Variants in CDHR1 observed in about 807,000 individuals in gnomAD.
CDHR1 encodes cadherin related family member 1.
Under a neutral mutation model 72.1 loss-of-function variants are expected in CDHR1, and 61 were observed. That is an observed-to-expected ratio of 0.85 (90% CI 0.69 to 1.05). The LOEUF is 1.05. CDHR1 is among the 50% of genes least tolerant of loss of function. CDHR1 has a pLI of 0.00. For synonymous variants in CDHR1, 470 were observed against 448.1 expected (o/e 1.05, Z -0.62); for missense variants, 1,186 against 1,115.7 (o/e 1.06, Z -0.90).
intron 13 of CDHR1, 95 bp downstream of exon 13, chr10:84,211,260 C>T (rs768968339): frequency 2.0e-5 from 26 of 1,322,894 alleles, no homozygotes; most frequent in Non-Finnish European, 2.5e-5. Flanking sequence ...TGGCAGAACC[C>T]ACACTCATTA....
At chr10:84,198,644 C>T (rs1277590054) in intron 4 of CDHR1, among the ~76,000 whole-genome samples, 1 of 152,244 alleles carries the variant, frequency 6.6e-6, no homozygotes, top group African/African-American at 2.4e-5. Context: ...TCAACCCCAT[C>T]GGATGCATTT....
rs544244764 is a variant in CDHR1 at position 84,197,094 on chromosome 10, C to T, written c.297+444C>T. 1.6e-4 allele frequency among the ~76,000 whole-genome samples: 25 copies of T among 152,262 alleles called. No homozygotes were observed. In the Middle Eastern group the frequency reaches 0.014, roughly 83 times the overall value. The stretch of plus-strand genomic sequence containing the variant: ...TCCACTCTACACACTTGAGAACTTG[C>T]AGGCAACAGGGCATGGGCTTTTTCA... On this transcript the variant is annotated intron_variant, in intron 3 of 16. Transcript: ENST00000623527.
In CDHR1 at chr10:84,203,122, C is replaced by T. The variant is rs142722981; in HGVS notation, c.782C>T (p.Pro261Leu). 40 of 1,614,072 alleles carry T rather than the reference C, an allele frequency of 2.5e-5. No individual in the cohort carries two copies. Among genetic ancestry groups the T allele is most frequent in the Admixed American group, 8.3e-5 (5 of 60,014 alleles). ...YYGYVYEDTL[P>L]GSEVLKVVAM... The stretch of plus-strand genomic sequence containing the variant: ...GGCTATGTGTACGAGGACACCCTTC[C>T]GGTGGGTGGCTGTCCCCCTCAGCCA... Residue 261 changes from proline to leucine, a missense_variant and splice_region_variant, in exon 8 of 17, where the codon CCG becomes CTG. By Grantham distance (98) the Pro-to-Leu change is moderately conservative. Transcript: ENST00000623527.
At chr10:84,213,039 A>G in intron 15 of CDHR1, 52 bp from the exon 16 acceptor site, 2 of 1,613,254 alleles carry the variant, frequency 1.2e-6, no homozygotes, top group South Asian at 2.2e-5. Flanking sequence ...TAGCCAGAGT[A>G]CACAAGGATT....
At chr10:84,212,452 G>T (rs748161727) in intron 15 of CDHR1, 45 bp downstream of exon 15, 1 of 1,502,276 alleles carries the variant, frequency 6.7e-7, no homozygotes, top group East Asian at 2.3e-5. Context: ...CCTGGGTCCA[G>T]CAGCTCCAAG....
At chr10:84,206,561 C>T (rs1842230052) in intron 10 of CDHR1, among the ~76,000 whole-genome samples, 1 of 152,174 alleles carries the variant, frequency 6.6e-6, no homozygotes, top group Admixed American at 6.5e-5. Context: ...TGGTCCTACC[C>T]AAGAGCAGTA....
intron 12 of CDHR1, among the ~76,000 whole-genome samples, chr10:84,209,172 C>T (rs978650568): frequency 6.6e-6 from 1 of 152,134 alleles, no homozygotes; most frequent in African/African-American, 2.4e-5. Flanking sequence ...ATTTTATTAT[C>T]AAGATAGATG....
chr10:84,217,616 T>C lies in CDHR1; in HGVS notation c.*2995T>C, dbSNP rs529649060. On this transcript the variant is annotated 3_prime_UTR_variant, in exon 17 of 17. Transcript: ENST00000623527. ...GCCTAGCACCGGCTTTGTATCTACT[T>C]ACACAAGCTCAGTAGACACTTGCCG... is the stretch of plus-strand genomic sequence containing the variant. 8.0e-5 allele frequency: 79 copies of C among 985,424 alleles called. No individual in the cohort carries two copies. The African/African-American group carries it at 1.3e-3, about 17-fold the overall frequency. The allele number at this position is 985,424 out of a possible 1,614,324, so 61.0% of individuals were successfully genotyped here.
At position 84,196,620 on chromosome 10, in the gene CDHR1, C is replaced by T. The variant is rs1329850221; in HGVS notation, c.267C>T (p.Asn89=). Reference sequence around the variant, plus strand: ...TTTCTGTTGACCCCACTTTTGGAAACATCACCCTGGTTGAAGAGCTGGACA... The same window carrying T: ...TTTCTGTTGACCCCACTTTTGGAAATATCACCCTGGTTGAAGAGCTGGACA... ...SVFSVDPTFG[N]ITLVEELDRE... The change falls in exon 3 of 17, where the codon AAC becomes AAT. Residue 89 remains asparagine, a synonymous_variant. Coordinates refer to ENST00000623527, the MANE Select transcript of CDHR1 (RefSeq NM_033100.4). 2 of 1,614,244 alleles carry T rather than the reference C, an allele frequency of 1.2e-6. No individual in the cohort carries two copies. Among genetic ancestry groups the T allele is most frequent in the East Asian group, 2.2e-5 (1 of 44,886 alleles).
At chr10:84,199,273 GA>G in intron 5 of CDHR1, 152 bp downstream of exon 5, 1 of 716,814 alleles carries the variant, frequency 1.4e-6, no homozygotes, top group South Asian at 1.5e-5. Context: ...TATTCCAAAG[GA>G]ATGTTCATTT....
At chr10:84,219,069 T>C (rs1842469563), downstream of CDHR1, 2 of 917,500 alleles carry the variant, frequency 2.2e-6, no homozygotes, top group Non-Finnish European at 3.4e-6. Flanking sequence ...ATTATTATTC[T>C]ATTTTATAGG....
intron 6 of CDHR1, 47 bp downstream of exon 6, chr10:84,200,734 A>G (rs1343147359): frequency 4.4e-6 from 6 of 1,363,076 alleles, no homozygotes; most frequent in African/African-American, 1.4e-5. Flanking sequence ...GCCGGAGGGG[A>G]CACCTAGATG....
rs182220156 is a variant in CDHR1, at chr10:84,199,724, C to A, written c.438+603C>A. Reference sequence around the variant, plus strand: ...TAATTAGGATTCTTTCCTTAAGATACAGTTCAGGATTTGAAATTACTGCAT... The same window carrying A: ...TAATTAGGATTCTTTCCTTAAGATAAAGTTCAGGATTTGAAATTACTGCAT... On this transcript the variant is annotated intron_variant, in intron 5 of 16. Transcript: ENST00000623527. 1.2e-3 allele frequency among the ~76,000 whole-genome samples: 181 copies of A among 152,292 alleles called. 1 individual carries two copies. Among genetic ancestry groups the A allele is most frequent in the Admixed American group, 1.9e-3 (29 of 15,300 alleles).
At position 84,215,113 on chromosome 10, in the gene CDHR1, TCAGCGAAC is replaced by T; in HGVS notation, c.*494_*501del. 1 of 1,024,058 alleles carries T rather than the reference TCAGCGAAC, an allele frequency of 9.8e-7. No individual in the cohort carries two copies. Among genetic ancestry groups the T allele is most frequent in the East Asian group, 9.0e-5 (1 of 11,084 alleles). The allele number at this position is 1,024,058 out of a possible 1,614,324, so 63.4% of individuals were successfully genotyped here. ...GCTCAGCACTGTCTCAGGCTGGAGGTCAGCGAACCTCGTGGGCTGTAGGAAAGCAAATG... is the reference window on the plus strand; with the variant it reads ...GCTCAGCACTGTCTCAGGCTGGAGGTCTCGTGGGCTGTAGGAAAGCAAATG... On this transcript the variant is annotated 3_prime_UTR_variant, in exon 17 of 17. Coordinates refer to ENST00000623527, the MANE Select transcript of CDHR1 (RefSeq NM_033100.4).
intron 8 of CDHR1, 101 bp downstream of exon 8, chr10:84,203,224 C>A: frequency 6.7e-7 from 1 of 1,493,320 alleles, no homozygotes. Flanking sequence ...GGTCTGGTCC[C>A]GGTTGCCCTC....
In CDHR1 at chr10:84,217,617, AC is replaced by A. The variant is rs560970486; in HGVS notation, c.*2997del. On this transcript the variant is annotated 3_prime_UTR_variant, in exon 17 of 17. Transcript: ENST00000623527. ...CCTAGCACCGGCTTTGTATCTACTT[AC>A]ACAAGCTCAGTAGACACTTGCCGTG... is the stretch of plus-strand genomic sequence containing the variant. 33 of 985,442 alleles carry A rather than the reference AC, an allele frequency of 3.3e-5. No individual in the cohort carries two copies. In the South Asian group the frequency reaches 1.5e-3, roughly 43 times the overall value. 61.0% of individuals were successfully genotyped at this position (985,442 alleles called of 1,614,324 possible). A position where few individuals can be genotyped will look rare whatever the true frequency, so the allele number is the denominator to read the frequency against.
chr10:84,199,937 C>T (rs1271890679), intron 5 of CDHR1, among the ~76,000 whole-genome samples: 1 of 152,278 alleles, frequency 6.6e-6, no homozygotes, highest in South Asian at 2.1e-4. Flanking sequence ...CTTTGGGAGG[C>T]CGAGATGGAC....
At chr10:84,212,552 A>C in intron 15 of CDHR1, 145 bp downstream of exon 15, 1 of 689,462 alleles carries the variant, frequency 1.5e-6, no homozygotes, top group South Asian at 1.6e-5. Flanking sequence ...GTATATCCCC[A>C]TCCCCACCTC....
chr10:84,204,378 G>A, intron 8 of CDHR1, 149 bp from the exon 9 acceptor site: 1 of 663,614 alleles, frequency 1.5e-6, no homozygotes, highest in Non-Finnish European at 2.8e-6. Context: ...CCCCTGCAGA[G>A]GAGAGTAGGG....
Sources: gnomAD v4.1 joint callset for allele counts (sites outside exome capture counted in the v4.1 genomes callset) on GRCh38, gnomAD v4.1.1 for gene constraint, MANE v1.5 for transcripts, NCBI Gene and HGNC (gene_info 2026-07-23, HGNC 2026-07-21) for gene names.